The following DLG2 variants were observed in gnomAD, a reference collection of about 807,000 sequenced individuals.
DLG2 encodes the protein discs large MAGUK scaffold protein 2, also known as disks large homolog 2.
Under a neutral mutation model 132.5 loss-of-function variants are expected in DLG2, and 45 were observed. The ratio of observed to expected loss-of-function variants is 0.34; its 90% confidence interval spans 0.27 to 0.44. The LOEUF is 0.44. DLG2 is among the 20% of genes least tolerant of loss of function. DLG2 has a pLI of 1.00. For synonymous variants in DLG2, 424 were observed against 419.6 expected (o/e 1.01, Z -0.13); for missense variants, 1,045 against 1,196.9 (o/e 0.87, Z 1.87).
intron 2 of DLG2, among the ~76,000 whole-genome samples, chr11:85,622,903 C>G (rs1039756876): frequency 1.3e-5 from 2 of 151,880 alleles, no homozygotes; most frequent in African/African-American, 4.8e-5. Context: ...ACTAAAAATA[C>G]AAAAATTAGC....
At chr11:83,945,709 G>A (rs897200065) in intron 14 of DLG2, among the ~76,000 whole-genome samples, 3 of 151,680 alleles carry the variant, frequency 2.0e-5, no homozygotes, top group Non-Finnish European at 4.4e-5. Flanking sequence ...CTCTTGCTCA[G>A]GAGCAATGAT....
chr11:83,890,920 T>C (rs1043527129), intron 15 of DLG2, among the ~76,000 whole-genome samples: 4 of 152,140 alleles, frequency 2.6e-5, no homozygotes, highest in African/African-American at 9.7e-5. Flanking sequence ...TCCATGCTTC[T>C]AGCTGGGGTG....
chr11:84,838,814 A>G (rs2080183274), intron 6 of DLG2, among the ~76,000 whole-genome samples: 1 of 152,092 alleles, frequency 6.6e-6, no homozygotes, highest in South Asian at 2.1e-4. Flanking sequence ...AAAAACTCTC[A>G]ATAAATTAGG....
chr11:85,397,620 G>A (rs1318811983), intron 3 of DLG2, among the ~76,000 whole-genome samples: 1 of 152,066 alleles, frequency 6.6e-6, no homozygotes, highest in African/African-American at 2.4e-5. Flanking sequence ...AAAAGCAGGA[G>A]TTGCAATCCT....
intron 4 of DLG2, among the ~76,000 whole-genome samples, chr11:85,198,069 G>A (rs1181649734): frequency 1.3e-5 from 2 of 151,850 alleles, no homozygotes; most frequent in African/African-American, 2.4e-5. Context: ...CTTATTAGAC[G>A]CAGGTCTAGC....
intron 18 of DLG2, among the ~76,000 whole-genome samples, chr11:83,640,306 C>T (rs2066119593): frequency 1.3e-5 from 2 of 152,166 alleles, no homozygotes; most frequent in Admixed American, 1.3e-4. Flanking sequence ...TGCTTTAGGA[C>T]AACTTCCAAT....
At chr11:84,267,269 A>G (rs146392564) in intron 7 of DLG2, among the ~76,000 whole-genome samples, 2 of 152,202 alleles carry the variant, frequency 1.3e-5, no homozygotes, top group African/African-American at 4.8e-5. Context: ...CCCTACTCTT[A>G]TTTTTCCTCA....
intron 11 of DLG2, among the ~76,000 whole-genome samples, chr11:84,042,599 A>T (rs1008382806): frequency 6.6e-6 from 1 of 151,822 alleles, no homozygotes; most frequent in Non-Finnish European, 1.5e-5. Context: ...TAGATCCCAA[A>T]TGTTTATCAA....
At chr11:84,445,915 C>CAA (rs58758315) in intron 7 of DLG2, among the ~76,000 whole-genome samples, 1,524 of 59,300 alleles carry the variant, frequency 0.026, 49 homozygotes, top group Admixed American at 0.077. Context: ...GACTTCGCCT[C>CAA]AAAAAAAAAA....
At chr11:84,297,616 A>T (rs1057003388) in intron 7 of DLG2, among the ~76,000 whole-genome samples, 6 of 152,052 alleles carry the variant, frequency 3.9e-5, no homozygotes, top group Admixed American at 3.3e-4. Flanking sequence ...CCCTCCTTCC[A>T]TTCTTGCCCC....
intron 7 of DLG2, among the ~76,000 whole-genome samples, chr11:84,380,008 T>C (rs1195147748): frequency 1.3e-5 from 2 of 151,944 alleles, no homozygotes; most frequent in Admixed American, 6.6e-5. Flanking sequence ...AGATGGAATC[T>C]ATAAGAGAGT....
intron 7 of DLG2, among the ~76,000 whole-genome samples, chr11:84,526,468 T>C (rs1378346241): frequency 2.6e-5 from 4 of 152,132 alleles, no homozygotes; most frequent in Non-Finnish European, 5.9e-5. Flanking sequence ...GAAAGAACAT[T>C]ATATAGCAGT....
chr11:84,173,110 G>C (rs1403709810), intron 8 of DLG2, among the ~76,000 whole-genome samples: 1 of 152,114 alleles, frequency 6.6e-6, no homozygotes, highest in Non-Finnish European at 1.5e-5. Flanking sequence ...ATACAAAATT[G>C]TCTTGATTAA....
At chr11:84,565,427 G>T (rs944913991) in intron 6 of DLG2, among the ~76,000 whole-genome samples, 1 of 152,024 alleles carries the variant, frequency 6.6e-6, no homozygotes, top group East Asian at 1.9e-4. Flanking sequence ...CCACCTCATG[G>T]AACTTTCAAA....
chr11:85,505,794 G>A (rs930614228), intron 3 of DLG2, among the ~76,000 whole-genome samples: 4 of 152,204 alleles, frequency 2.6e-5, no homozygotes, highest in Non-Finnish European at 1.5e-5. Context: ...AGAAGGAATG[G>A]TACTAGCTCC....
intron 9 of DLG2, among the ~76,000 whole-genome samples, chr11:84,135,402 G>A (rs1312646154): frequency 6.6e-6 from 1 of 152,000 alleles, no homozygotes; most frequent in East Asian, 1.9e-4. Flanking sequence ...TTATTATTTT[G>A]AGCAGTTACC....
At chr11:85,031,435 G>A (rs1210651803) in intron 6 of DLG2, among the ~76,000 whole-genome samples, 1 of 151,864 alleles carries the variant, frequency 6.6e-6, no homozygotes, top group African/African-American at 2.4e-5. Flanking sequence ...CATATATGAT[G>A]GTTTTATTTT....
intron 3 of DLG2, among the ~76,000 whole-genome samples, chr11:85,343,258 C>T (rs897385762): frequency 9.2e-5 from 14 of 152,144 alleles, no homozygotes; most frequent in African/African-American, 3.4e-4. Flanking sequence ...CAGGAGACAG[C>T]CTTGCTGAAG....
intron 17 of DLG2, among the ~76,000 whole-genome samples, chr11:83,823,162 C>G (rs984512549): frequency 6.6e-6 from 1 of 152,086 alleles, no homozygotes; most frequent in Non-Finnish European, 1.5e-5. Context: ...GACTAAAAAT[C>G]AGTCCACTTT....
Sources: allele counts gnomAD v4.1 joint callset (sites outside exome capture counted in the v4.1 genomes callset), GRCh38; gene constraint gnomAD v4.1.1; transcripts MANE v1.5; gene names NCBI Gene and HGNC (gene_info 2026-07-23, HGNC 2026-07-21).